DLGAP2: variants seen among roughly 807,000 people sequenced by gnomAD.
DLGAP2 encodes the protein disks large-associated protein 2.
A neutral mutation model predicts 100.3 loss-of-function variants in DLGAP2; 26 were observed. That is an observed-to-expected ratio of 0.26 (90% CI 0.19 to 0.36). DLGAP2 has a LOEUF of 0.36. DLGAP2 is among the 10% of genes least tolerant of loss of function. The pLI is 1.00. For synonymous variants in DLGAP2, 886 were observed against 630.1 expected (o/e 1.41, Z -6.08); for missense variants, 1,858 against 1,453.2 (o/e 1.28, Z -4.53).
chr8:1,211,614 G>T (rs774311155), intron 2 of DLGAP2, among the ~76,000 whole-genome samples: 11 of 152,170 alleles, frequency 7.2e-5, no homozygotes, highest in African/African-American at 9.6e-5. Context: ...AGTGGCACAC[G>T]CCTGTAATCC....
intron 6 of DLGAP2, among the ~76,000 whole-genome samples, chr8:1,595,123 C>A (rs1407638011): frequency 6.6e-6 from 1 of 152,062 alleles, no homozygotes; most frequent in African/African-American, 2.4e-5. Context: ...CCACTGCAGC[C>A]TCAACCTCCC....
chr8:1,605,493 A>G (rs1267787796), intron 6 of DLGAP2, among the ~76,000 whole-genome samples: 1 of 152,186 alleles, frequency 6.6e-6, no homozygotes, highest in Non-Finnish European at 1.5e-5. Flanking sequence ...CCAGGGCTCT[A>G]GTGAGTGCGG....
intron 10 of DLGAP2, among the ~76,000 whole-genome samples, chr8:1,675,827 TG>T (rs1798798352): frequency 6.6e-6 from 1 of 151,918 alleles, no homozygotes; most frequent in Admixed American, 6.6e-5. Flanking sequence ...GGTTTGGTTT[TG>T]TTTTTTTTTT....
At chr8:1,347,322 G>T (rs1394195180) in intron 3 of DLGAP2, among the ~76,000 whole-genome samples, 1 of 151,126 alleles carries the variant, frequency 6.6e-6, no homozygotes, top group African/African-American at 2.4e-5. Flanking sequence ...CCACAGAGCT[G>T]CATTGCTCTC....
intron 4 of DLGAP2, among the ~76,000 whole-genome samples, chr8:1,514,672 C>A (rs1211050510): frequency 2.0e-5 from 3 of 152,180 alleles, no homozygotes; most frequent in African/African-American, 4.8e-5. Flanking sequence ...TCTGCTGTCA[C>A]CCCATTCTAA....
At chr8:1,420,130 C>A (rs1051816418) in intron 3 of DLGAP2, among the ~76,000 whole-genome samples, 2 of 152,096 alleles carry the variant, frequency 1.3e-5, no homozygotes, top group African/African-American at 4.8e-5. Context: ...TCGGGAGGGG[C>A]TGGAAGTTCC....
intron 3 of DLGAP2, among the ~76,000 whole-genome samples, chr8:1,364,926 C>T (rs1342701439): frequency 3.9e-5 from 6 of 152,142 alleles, no homozygotes; most frequent in African/African-American, 7.2e-5. Flanking sequence ...GGAACAGCAG[C>T]GAAGCTCCCA....
At chr8:1,272,288 G>C (rs114343321) in intron 3 of DLGAP2, among the ~76,000 whole-genome samples, 130 of 152,260 alleles carry the variant, frequency 8.5e-4, no homozygotes, top group African/African-American at 3.1e-3. Flanking sequence ...TTATGTGAGT[G>C]AATGTAGACA....
At position 1,344,068 on chromosome 8, in the gene DLGAP2, A is replaced by G. The variant is rs1029516677; in HGVS notation, c.106+85185A>G. On this transcript the variant is annotated intron_variant, in intron 3 of 14. Coordinates refer to ENST00000637795, the MANE Select transcript of DLGAP2 (RefSeq NM_001346810.2). The stretch of plus-strand genomic sequence containing the variant: ...GGTCCTGTCTTTACAGTAATGGAGT[A>G]ATGCCTGCAAATGTCGTACTCGGGG... Among the ~76,000 whole-genome samples the G allele has an allele frequency of 1.8e-4, 9 of 49,214 alleles. No homozygotes were observed. In the South Asian group the frequency reaches 6.0e-3, roughly 33 times the overall value. 32.3% of individuals were successfully genotyped at this position (49,214 alleles called of 152,430 possible). A position where few individuals can be genotyped will look rare whatever the true frequency, so the allele number is the denominator to read the frequency against.
intron 2 of DLGAP2, among the ~76,000 whole-genome samples, chr8:997,849 C>T (rs1432372720): frequency 6.8e-6 from 1 of 145,996 alleles, no homozygotes; most frequent in African/African-American, 2.5e-5. Flanking sequence ...CGTGTGCATA[C>T]ATACACACAT....
At chr8:783,580 A>G (rs922172410) in intron 1 of DLGAP2, among the ~76,000 whole-genome samples, 3 of 152,192 alleles carry the variant, frequency 2.0e-5, no homozygotes, top group Non-Finnish European at 4.4e-5. Context: ...AGGGGCTGTG[A>G]TATGAGATGG....
chr8:1,027,063 A>T (rs1045129958), intron 2 of DLGAP2, among the ~76,000 whole-genome samples: 27 of 152,236 alleles, frequency 1.8e-4, no homozygotes, highest in African/African-American at 6.5e-4. Context: ...ATATGTGCCC[A>T]TAATGGCTGT....
intron 2 of DLGAP2, among the ~76,000 whole-genome samples, chr8:1,055,935 A>T (rs1442666473): frequency 1.3e-5 from 2 of 152,218 alleles, no homozygotes; most frequent in African/African-American, 2.4e-5. Context: ...GGCCAGCTAA[A>T]GAAAAGAGTG....
Position 896,522 on chromosome 8 carries a change from A to G in DLGAP2, c.19-11390A>G, listed in dbSNP as rs149498953. 4.6e-5 allele frequency among the ~76,000 whole-genome samples: 7 copies of G among 152,218 alleles called. No individual in the cohort carries two copies. In the East Asian group the frequency reaches 9.7e-4, roughly 21 times the overall value. On this transcript the variant is annotated intron_variant, in intron 1 of 14. Transcript: ENST00000637795. ...GCCATGGACTGAACATGTCCCCCCA[A>G]ATTCCTATGTTGAAGCCTTGGTCCC... is the stretch of plus-strand genomic sequence containing the variant.
chr8:1,270,041 A>G (rs1426297773), intron 3 of DLGAP2, among the ~76,000 whole-genome samples: 1 of 152,140 alleles, frequency 6.6e-6, no homozygotes, highest in Non-Finnish European at 1.5e-5. Flanking sequence ...CCTTCTCAAC[A>G]TACAGTAGCG....
intron 1 of DLGAP2, among the ~76,000 whole-genome samples, chr8:839,190 A>T (rs113809092): frequency 0.012 from 1,826 of 152,304 alleles, 34 homozygotes; most frequent in African/African-American, 0.042. Context: ...CCTAAAAAAA[A>T]TAGAAATAGA....
chr8:1,570,167 C>G (rs1802596619), intron 6 of DLGAP2, among the ~76,000 whole-genome samples: 1 of 152,224 alleles, frequency 6.6e-6, no homozygotes. Flanking sequence ...ATAGGGACCT[C>G]AGATTAAACA....
intron 2 of DLGAP2, among the ~76,000 whole-genome samples, chr8:1,096,489 G>A (rs557409304): frequency 7.3e-5 from 11 of 150,438 alleles, no homozygotes; most frequent in South Asian, 4.3e-4. Context: ...CTCCAGAGTC[G>A]AGGGACTCAT....
chr8:1,664,263 A>G (rs1165666048), intron 8 of DLGAP2, among the ~76,000 whole-genome samples: 2 of 152,036 alleles, frequency 1.3e-5, no homozygotes, highest in Non-Finnish European at 2.9e-5. Context: ...CACGTCTACT[A>G]GCCCTTCCCG....
Sources: allele counts gnomAD v4.1 joint callset (sites outside exome capture counted in the v4.1 genomes callset), GRCh38; gene constraint gnomAD v4.1.1; transcripts MANE v1.5; gene names NCBI Gene and HGNC (gene_info 2026-07-23, HGNC 2026-07-21).